Variants in THSD7B observed in about 807,000 individuals in gnomAD.
THSD7B encodes thrombospondin type-1 domain-containing protein 7B.
THSD7B carries 138 observed loss-of-function variants against 213.6 expected under a neutral mutation model. The observed-to-expected ratio is 0.65, with a 90% CI of 0.56 to 0.74. The LOEUF is 0.74. THSD7B is among the 30% of genes least tolerant of loss of function. The probability of loss-of-function intolerance (pLI) is 0.00; values close to 1 mark genes in which losing one functional copy is unlikely to be tolerated. For missense variants in THSD7B, 1,931 were observed against 1,991.5 expected (o/e 0.97, Z 0.58); for synonymous variants, 742 against 687.0 (o/e 1.08, Z -1.25).
intron 2 of THSD7B, among the ~76,000 whole-genome samples, chr2:136,979,863 C>T (rs1685544357): frequency 6.6e-6 from 1 of 152,116 alleles, no homozygotes; most frequent in African/African-American, 2.4e-5. Context: ...TTTTAATTTT[C>T]AGCGTGTTTG....
At chr2:137,494,740 G>A (rs1169988074) in intron 15 of THSD7B, among the ~76,000 whole-genome samples, 3 of 152,074 alleles carry the variant, frequency 2.0e-5, no homozygotes, top group Non-Finnish European at 2.9e-5. Context: ...TAACTTCCCT[G>A]ACTTTGTAAC....
At chr2:137,620,817 G>C in intron 20 of THSD7B, 91 bp downstream of exon 20, 1 of 1,116,150 alleles carries the variant, frequency 9.0e-7, no homozygotes, top group South Asian at 1.4e-5. Flanking sequence ...TAAGGTATGG[G>C]ACCCAGCTGA....
intron 17 of THSD7B, 114 bp from the exon 18 acceptor site, chr2:137,616,061 C>T: frequency 9.4e-7 from 1 of 1,068,320 alleles, no homozygotes; most frequent in South Asian, 2.0e-5. Context: ...GTTTAACCCT[C>T]TAGATAATCT....
intron 2 of THSD7B, among the ~76,000 whole-genome samples, chr2:136,950,983 G>T (rs575616145): frequency 2.0e-5 from 3 of 152,256 alleles, no homozygotes; most frequent in Non-Finnish European, 4.4e-5. Context: ...TCCCACGTTT[G>T]GTGGCTAGAT....
chr2:137,225,974 T>C (rs1287313016), intron 7 of THSD7B, among the ~76,000 whole-genome samples: 1 of 151,794 alleles, frequency 6.6e-6, no homozygotes, highest in Non-Finnish European at 1.5e-5. Context: ...AATCCAGAAG[T>C]GGCCAGGTGC....
chr2:136,826,412 G>A (rs1431408726), intron 1 of THSD7B, among the ~76,000 whole-genome samples: 1 of 152,060 alleles, frequency 6.6e-6, no homozygotes, highest in East Asian at 1.9e-4. Context: ...GCTCCGTGCT[G>A]AGCCTCTGAT....
intron 7 of THSD7B, among the ~76,000 whole-genome samples, chr2:137,182,638 A>T (rs1239424397): frequency 6.6e-6 from 1 of 152,166 alleles, no homozygotes; most frequent in African/African-American, 2.4e-5. Context: ...ATACTCGCCC[A>T]TCTCTTTGTA....
chr2:137,529,095 C>T (rs1411836485), intron 15 of THSD7B, among the ~76,000 whole-genome samples: 14 of 152,090 alleles, frequency 9.2e-5, no homozygotes, highest in African/African-American at 1.9e-4. Flanking sequence ...CTTCCAGGAT[C>T]TTCCACTTCA....
In THSD7B at chr2:136,795,119, C is replaced by G. The variant is rs535100590; in HGVS notation, c.-36+29432C>G. 2.0e-5 allele frequency among the ~76,000 whole-genome samples: 3 copies of G among 152,060 alleles called. No individual in the cohort carries two copies. The East Asian group carries it at 5.8e-4, about 29-fold the overall frequency. ...GCTGATGCGACAAACTGTCATAGCTCGTTGACTTAACAACAGCATAAATGA... is the reference window on the plus strand; with the variant it reads ...GCTGATGCGACAAACTGTCATAGCTGGTTGACTTAACAACAGCATAAATGA... On this transcript the variant is annotated intron_variant, in intron 1 of 27. Coordinates refer to ENST00000409968, the MANE Select transcript of THSD7B (RefSeq NM_001316349.2).
chr2:137,405,767 G>T lies in THSD7B; in HGVS notation c.2655G>T (p.Thr885=), dbSNP rs566621377. The T allele has an allele frequency of 1.2e-6, 2 of 1,613,156 alleles. No homozygotes were observed. The highest frequency in any genetic ancestry group is 8.5e-7 in the Non-Finnish European group (1 of 1,179,596). The change falls in exon 13 of 28, where the codon ACG becomes ACT. Residue 885 remains threonine (T), a synonymous_variant. Coordinates refer to ENST00000409968, the MANE Select transcript of THSD7B (RefSeq NM_001316349.2). ...TAWSKFTPCS[T]NCEATKSRRR... is the part of the protein sequence containing the mutation. ...GGTCCAAGTTTACGCCCTGCTCCAC[G>T]AACTGTGAAGCCACAAAAAGTAGGC...
chr2:136,786,571 G>T (rs1681852997), intron 1 of THSD7B, among the ~76,000 whole-genome samples: 1 of 152,016 alleles, frequency 6.6e-6, no homozygotes. Flanking sequence ...TATTTATTTA[G>T]TTAATCAGAC....
At chr2:136,955,076 T>G (rs1480272667) in intron 2 of THSD7B, among the ~76,000 whole-genome samples, 1 of 152,144 alleles carries the variant, frequency 6.6e-6, no homozygotes, top group Non-Finnish European at 1.5e-5. Flanking sequence ...AAGACTAGAT[T>G]GGAGGGTTAG....
intron 7 of THSD7B, among the ~76,000 whole-genome samples, chr2:137,191,130 T>C (rs1322428810): frequency 1.3e-5 from 2 of 152,182 alleles, no homozygotes; most frequent in Non-Finnish European, 1.5e-5. Flanking sequence ...GTGCTGATGA[T>C]AACCCCTGCA....
chr2:137,142,275 A>G (rs1218251610), intron 5 of THSD7B, among the ~76,000 whole-genome samples: 1 of 152,168 alleles, frequency 6.6e-6, no homozygotes, highest in East Asian at 1.9e-4. Context: ...AGAAGGACAG[A>G]GAGAGAATGA....
At chr2:137,233,197 A>G in intron 9 of THSD7B, 64 bp downstream of exon 9, 1 of 1,432,622 alleles carries the variant, frequency 7.0e-7, no homozygotes, top group Non-Finnish European at 9.6e-7. Context: ...TTTAGTTGAA[A>G]GCATTTATCA....
chr2:137,268,404 T>C (rs1405842849), intron 10 of THSD7B, among the ~76,000 whole-genome samples: 1 of 150,670 alleles, frequency 6.6e-6, no homozygotes, highest in Non-Finnish European at 1.5e-5. Context: ...ACATGCAGTG[T>C]TTGGTTTTCT....
chr2:136,847,568 G>C lies in THSD7B; in HGVS notation c.-35-34576G>C, dbSNP rs72977551. On this transcript the variant is annotated intron_variant, in intron 1 of 27. Transcript: ENST00000409968. ...ATATATCTGGATTTTTTCATAGACA[G>C]AATCTATTTCTTTTAAGATACTTCT... 9.8e-3 allele frequency among the ~76,000 whole-genome samples: 1,486 copies of C among 152,194 alleles called. 31 individuals carry two copies. The highest frequency in any genetic ancestry group is 0.034 in the African/African-American group (1,426 of 41,538).
chr2:136,910,009 G>A (rs1667066324), intron 2 of THSD7B, among the ~76,000 whole-genome samples: 1 of 152,078 alleles, frequency 6.6e-6, no homozygotes, highest in Admixed American at 6.6e-5. Context: ...TAACTTTGAG[G>A]CCCCTCTGGG....
At chr2:136,971,072 TAAAG>T (rs1161195489) in intron 2 of THSD7B, among the ~76,000 whole-genome samples, 2 of 151,990 alleles carry the variant, frequency 1.3e-5, no homozygotes, top group Non-Finnish European at 2.9e-5. Context: ...TGCACCTAAA[TAAAG>T]AGAAATACAT....
Sources: gnomAD v4.1 joint callset for allele counts (sites outside exome capture counted in the v4.1 genomes callset) on GRCh38, gnomAD v4.1.1 for gene constraint, MANE v1.5 for transcripts, NCBI Gene and HGNC (gene_info 2026-07-23, HGNC 2026-07-21) for gene names.